The following PTPRN2 variants were observed in gnomAD, a reference collection of about 807,000 sequenced individuals.
The protein encoded by PTPRN2 is receptor-type tyrosine-protein phosphatase N2.
Under a neutral mutation model 118.8 loss-of-function variants are expected in PTPRN2, and 74 were observed. That is an observed-to-expected ratio of 0.62 (90% CI 0.52 to 0.76). PTPRN2 has a LOEUF of 0.76. Ranked by LOEUF, PTPRN2 falls within the 30% of genes least tolerant of loss-of-function variation. PTPRN2 has a pLI of 0.00. For missense variants in PTPRN2, 1,481 were observed against 1,394.4 expected (o/e 1.06, Z -0.99); for synonymous variants, 641 against 608.0 (o/e 1.05, Z -0.80).
chr7:158,221,026 C>A (rs547359805), intron 3 of PTPRN2, among the ~76,000 whole-genome samples: 1 of 152,012 alleles, frequency 6.6e-6, no homozygotes, highest in Non-Finnish European at 1.5e-5. Context: ...GACACATAGA[C>A]CAATGGAACA....
In PTPRN2 at chr7:157,774,091, G is replaced by A. The variant is rs1036150403; in HGVS notation, c.1789-91154C>T. Among the ~76,000 whole-genome samples the A allele has an allele frequency of 5.3e-5, 8 of 152,194 alleles. No individual in the cohort carries two copies. In the East Asian group the frequency reaches 5.8e-4, roughly 11 times the overall value. ...GGTTAGTATGCAAAACCCATGACACGGACCTACTTACTAGGAGCTGGCTAC... is the reference window on the plus strand; with the variant it reads ...GGTTAGTATGCAAAACCCATGACACAGACCTACTTACTAGGAGCTGGCTAC... On this transcript the variant is annotated intron_variant, in intron 12 of 22. Transcript: ENST00000389418.
chr7:157,723,201 T>C (rs1048774062), intron 12 of PTPRN2, among the ~76,000 whole-genome samples: 10 of 152,198 alleles, frequency 6.6e-5, no homozygotes, highest in Admixed American at 5.2e-4. Context: ...ACATAGAATG[T>C]GGGGCCCTGA....
Position 158,537,218 on chromosome 7 carries a change from C to T in PTPRN2, c.113-47433G>A, listed in dbSNP as rs1825697777. On this transcript the variant is annotated intron_variant, in intron 1 of 22. Coordinates refer to ENST00000389418, the MANE Select transcript of PTPRN2 (RefSeq NM_002847.5). ...CATCCATTGTTTAAGCCCGAGGCTGCAGCATATTTGTTATAGCATCCTGAG... is the reference window on the plus strand; with the variant it reads ...CATCCATTGTTTAAGCCCGAGGCTGTAGCATATTTGTTATAGCATCCTGAG... 2.1e-5 allele frequency among the ~76,000 whole-genome samples: 3 copies of T among 142,990 alleles called. No individual in the cohort carries two copies. In the South Asian group the frequency reaches 6.8e-4, roughly 33 times the overall value. 93.8% of individuals were successfully genotyped at this position (142,990 alleles called of 152,430 possible). A position where few individuals can be genotyped will look rare whatever the true frequency, so the allele number is the denominator to read the frequency against.
At chr7:157,922,263 G>T (rs1235287202) in intron 11 of PTPRN2, among the ~76,000 whole-genome samples, 1 of 152,166 alleles carries the variant, frequency 6.6e-6, no homozygotes, top group Non-Finnish European at 1.5e-5. Flanking sequence ...GGGATTTTTG[G>T]TTTTTAAATA....
intron 12 of PTPRN2, among the ~76,000 whole-genome samples, chr7:157,822,557 G>A (rs745741746): frequency 2.0e-5 from 3 of 149,508 alleles, no homozygotes; most frequent in East Asian, 2.0e-4. Flanking sequence ...CCAATCATCC[G>A]CTATCCATTA....
intron 2 of PTPRN2, among the ~76,000 whole-genome samples, chr7:158,361,606 A>G (rs541989288): frequency 6.6e-6 from 1 of 152,330 alleles, no homozygotes; most frequent in Non-Finnish European, 1.5e-5. Flanking sequence ...GCTGAGCCAC[A>G]GACGATCTGG....
chr7:158,071,681 CCT>C (rs1811772074), intron 11 of PTPRN2, among the ~76,000 whole-genome samples: 2 of 82,244 alleles, frequency 2.4e-5, no homozygotes, highest in Non-Finnish European at 5.0e-5. Context: ...TGGAGGTGCT[CCT>C]GGTGGAGGTG....
intron 11 of PTPRN2, among the ~76,000 whole-genome samples, chr7:158,001,979 C>G (rs1027329925): frequency 1.3e-5 from 2 of 152,210 alleles, no homozygotes; most frequent in African/African-American, 4.8e-5. Context: ...CCTGGGATCA[C>G]GTTGTTTCAG....
intron 13 of PTPRN2, among the ~76,000 whole-genome samples, chr7:157,658,543 A>G (rs1351166348): frequency 6.6e-6 from 1 of 152,192 alleles, no homozygotes; most frequent in Non-Finnish European, 1.5e-5. Flanking sequence ...GCCCGGCCGT[A>G]TGGGACCCGC....
intron 2 of PTPRN2, among the ~76,000 whole-genome samples, chr7:158,399,452 G>C (rs138696342): frequency 6.4e-4 from 97 of 152,258 alleles, no homozygotes; most frequent in African/African-American, 2.1e-3. Flanking sequence ...AAGAGTTTGA[G>C]AACAGCCTGG....
chr7:158,442,392 G>C (rs1208827388), intron 2 of PTPRN2, among the ~76,000 whole-genome samples: 2 of 152,094 alleles, frequency 1.3e-5, no homozygotes, highest in African/African-American at 2.4e-5. Context: ...CCTATTCATG[G>C]TTATCATCTG....
At chr7:157,773,478 G>A (rs548353540) in intron 12 of PTPRN2, among the ~76,000 whole-genome samples, 7 of 152,300 alleles carry the variant, frequency 4.6e-5, no homozygotes, top group South Asian at 2.1e-4. Context: ...AGCACCACCC[G>A]TGTCTTCATC....
At chr7:158,074,870 A>C (rs1327837664) in intron 11 of PTPRN2, among the ~76,000 whole-genome samples, 1 of 152,200 alleles carries the variant, frequency 6.6e-6, no homozygotes, top group African/African-American at 2.4e-5. Context: ...TGTCCAGTGC[A>C]TAAACCCCCT....
At chr7:157,559,143 C>A (rs1208636317) in intron 21 of PTPRN2, among the ~76,000 whole-genome samples, 2 of 152,234 alleles carry the variant, frequency 1.3e-5, no homozygotes, top group Non-Finnish European at 2.9e-5. Context: ...CCCTGCAGCA[C>A]CCTGACTCCA....
intron 2 of PTPRN2, among the ~76,000 whole-genome samples, chr7:158,317,490 T>C (rs1466759061): frequency 6.6e-6 from 1 of 152,242 alleles, no homozygotes; most frequent in African/African-American, 2.4e-5. Context: ...CTAATTTATT[T>C]AGCTCGATTC....
chr7:158,167,311 AAC>A lies in PTPRN2; in HGVS notation c.550-22_550-21del, dbSNP rs1272648862. ...ATCACCCTGAAGGAAAGGAGAGCAA[AAC>A]AGAGCAAGAGTCACATTTCCATCGT... On this transcript the variant is annotated intron_variant, in intron 5 of 22. Coordinates refer to ENST00000389418, the MANE Select transcript of PTPRN2 (RefSeq NM_002847.5). 6.4e-7 allele frequency: 1 copy of A among 1,562,732 alleles called. No individual in the cohort carries two copies.
chr7:158,330,907 C>A (rs1334779121), intron 2 of PTPRN2, among the ~76,000 whole-genome samples: 1 of 68,026 alleles, frequency 1.5e-5, no homozygotes, highest in African/African-American at 4.7e-5. Context: ...TAAGAGCTGA[C>A]ACCTGCAGAC....
At chr7:157,923,386 C>A (rs1179174041) in intron 11 of PTPRN2, among the ~76,000 whole-genome samples, 2 of 152,214 alleles carry the variant, frequency 1.3e-5, no homozygotes, top group African/African-American at 2.4e-5. Context: ...CATGCTCCAC[C>A]TGCCTGAGCC....
intron 3 of PTPRN2, among the ~76,000 whole-genome samples, chr7:158,312,957 C>A (rs867814337): frequency 6.7e-6 from 1 of 149,852 alleles, no homozygotes; most frequent in South Asian, 2.1e-4. Flanking sequence ...GGGGTGTGTG[C>A]GTGTGTGCAT....
Sources: allele counts gnomAD v4.1 joint callset (sites outside exome capture counted in the v4.1 genomes callset), GRCh38; gene constraint gnomAD v4.1.1; transcripts MANE v1.5; gene names NCBI Gene and HGNC (gene_info 2026-07-23, HGNC 2026-07-21).